NRXN1: variants seen among roughly 807,000 people sequenced by gnomAD.
NRXN1 encodes the protein neurexin-1.
NRXN1 carries 39 observed loss-of-function variants against 150.9 expected under a neutral mutation model. The observed-to-expected ratio is 0.26, with a 90% confidence interval of 0.20 to 0.34. NRXN1 has a LOEUF of 0.34. Among genes scored for constraint, NRXN1 ranks in the 10% least tolerant of loss-of-function variants. The pLI is 1.00. For missense variants in NRXN1, 1,815 were observed against 1,949.9 expected, an observed-to-expected ratio of 0.93 and a Z score of 1.30; for synonymous variants, 924 against 757.0, an observed-to-expected ratio of 1.22 and a Z score of -3.62.
intron 17 of NRXN1, among the ~76,000 whole-genome samples, chr2:50,260,263 C>A (rs2068115600): frequency 6.6e-6 from 1 of 151,846 alleles, no homozygotes. Context: ...CCCTCTACTT[C>A]TGCCTATTGA....
intron 17 of NRXN1, among the ~76,000 whole-genome samples, chr2:50,415,688 G>A (rs534291740): frequency 2.6e-5 from 4 of 152,132 alleles, no homozygotes; most frequent in African/African-American, 9.6e-5. Context: ...AAATGCACAA[G>A]TCTCTCTAAC....
intron 5 of NRXN1, among the ~76,000 whole-genome samples, chr2:50,850,722 A>G (rs1018673966): frequency 4.7e-5 from 7 of 147,948 alleles, no homozygotes; most frequent in African/African-American, 2.4e-5. Flanking sequence ...TAAAAAATCA[A>G]TATCAAAGAT....
At chr2:50,360,499 A>ATC (rs777764469) in intron 17 of NRXN1, among the ~76,000 whole-genome samples, 2 of 152,186 alleles carry the variant, frequency 1.3e-5, no homozygotes, top group Non-Finnish European at 2.9e-5. Flanking sequence ...ACCAACAAAC[A>ATC]TCAGAAAAGA....
intron 18 of NRXN1, among the ~76,000 whole-genome samples, chr2:50,108,768 A>G (rs1701998966): frequency 6.6e-6 from 1 of 152,128 alleles, no homozygotes; most frequent in African/African-American, 2.4e-5. Context: ...ATGAAGTAAA[A>G]CAGTTTTACA....
intron 5 of NRXN1, among the ~76,000 whole-genome samples, chr2:50,626,283 A>G (rs1681030023): frequency 1.3e-5 from 2 of 151,914 alleles, no homozygotes; most frequent in Non-Finnish European, 2.9e-5. Context: ...AAACAGGTAA[A>G]AAGCTGATTC....
At chr2:50,327,059 T>C (rs1477731944) in intron 17 of NRXN1, among the ~76,000 whole-genome samples, 3 of 152,222 alleles carry the variant, frequency 2.0e-5, no homozygotes, top group Admixed American at 6.5e-5. Context: ...TTTTAATATA[T>C]GCTCAATAGA....
At chr2:50,985,665 T>C (rs551713851) in intron 2 of NRXN1, among the ~76,000 whole-genome samples, 1 of 151,690 alleles carries the variant, frequency 6.6e-6, no homozygotes, top group Non-Finnish European at 1.5e-5. Context: ...AATAAAAAGA[T>C]AAACATAAAC....
chr2:50,642,598 A>C (rs537838778), intron 5 of NRXN1, among the ~76,000 whole-genome samples: 1 of 152,206 alleles, frequency 6.6e-6, no homozygotes, highest in Non-Finnish European at 1.5e-5. Flanking sequence ...TTTTATTAGA[A>C]TATCCATCTT....
chr2:50,935,227 T>C (rs1688355490), intron 2 of NRXN1, among the ~76,000 whole-genome samples: 1 of 152,134 alleles, frequency 6.6e-6, no homozygotes, highest in Non-Finnish European at 1.5e-5. Flanking sequence ...TTTTTGAATA[T>C]TACACCATAG....
intron 16 of NRXN1, among the ~76,000 whole-genome samples, 168 bp from the exon 17 acceptor site, chr2:50,465,729 T>A (rs1335547831): frequency 2.0e-5 from 3 of 151,918 alleles, no homozygotes; most frequent in Admixed American, 6.6e-5. Context: ...GGCTGTAATA[T>A]GAAGGTTTTC....
Position 50,961,976 on chromosome 2 carries a change from A to ACC in NRXN1, c.773-36022_773-36021insGG, listed in dbSNP as rs1693269222. Reference sequence around the variant, plus strand: ...TAGGCCTGCTAGTTAAAAAAAAAAGAAGAAGAAAAATTTAAATAAAAAACT... The same window carrying ACC: ...TAGGCCTGCTAGTTAAAAAAAAAAGACCAGAAGAAAAATTTAAATAAAAAACT... On this transcript the variant is annotated intron_variant, in intron 2 of 22. Transcript: ENST00000401669. Among the ~76,000 whole-genome samples, 16 of 140,210 alleles carry ACC rather than the reference A, an allele frequency of 1.1e-4. 1 individual carries two copies. The Admixed American group carries it at 1.2e-3, about 10-fold the overall frequency. 92.0% of individuals were successfully genotyped at this position (140,210 alleles called of 152,430 possible).
intron 12 of NRXN1, among the ~76,000 whole-genome samples, chr2:50,525,810 C>CG (rs1009396487): frequency 4.6e-5 from 7 of 151,978 alleles, no homozygotes; most frequent in South Asian, 2.1e-4. Flanking sequence ...CTTTTCTTCC[C>CG]GGGGGGGAAA....
At chr2:50,605,653 G>A (rs529023906) in intron 8 of NRXN1, among the ~76,000 whole-genome samples, 3 of 152,312 alleles carry the variant, frequency 2.0e-5, no homozygotes, top group African/African-American at 7.2e-5. Context: ...AACTGTTGGA[G>A]AGGATGTGGA....
rs1338523111 is a variant in NRXN1, at chr2:50,327,875, C to A, written c.3365-90905G>T. 2.6e-5 allele frequency among the ~76,000 whole-genome samples: 4 copies of A among 152,236 alleles called. No individual in the cohort carries two copies. In the East Asian group the frequency reaches 7.7e-4, roughly 29 times the overall value. ...AGGTTGGCCAGGCTGGTCGCGAACT[C>A]CTGACCTCAAGTAATCTCCCGCCTT... On this transcript the variant is annotated intron_variant, in intron 17 of 22. Transcript: ENST00000401669.
chr2:50,882,308 C>CT (rs1679562376), intron 5 of NRXN1, among the ~76,000 whole-genome samples: 1 of 151,988 alleles, frequency 6.6e-6, no homozygotes, highest in Non-Finnish European at 1.5e-5. Context: ...GTTTTTCCAA[C>CT]ATTTCCTCTG....
At chr2:50,899,918 C>T (rs745593225) in intron 5 of NRXN1, among the ~76,000 whole-genome samples, 1 of 151,980 alleles carries the variant, frequency 6.6e-6, no homozygotes, top group Non-Finnish European at 1.5e-5. Flanking sequence ...GTTTATTAGA[C>T]GTCATGGGAG....
At chr2:50,262,759 C>T (rs1286319741) in intron 17 of NRXN1, among the ~76,000 whole-genome samples, 2 of 152,080 alleles carry the variant, frequency 1.3e-5, no homozygotes, top group Middle Eastern at 3.4e-3. Flanking sequence ...TGTCATTTTC[C>T]TCCATGCTTC....
At chr2:50,459,526 T>A (rs1397477992) in intron 17 of NRXN1, among the ~76,000 whole-genome samples, 1 of 152,154 alleles carries the variant, frequency 6.6e-6, no homozygotes, top group Non-Finnish European at 1.5e-5. Flanking sequence ...TGAGTTCACG[T>A]AGTTTAGCTC....
chr2:50,647,761 T>C (rs1049486824), intron 5 of NRXN1, among the ~76,000 whole-genome samples: 9 of 151,992 alleles, frequency 5.9e-5, no homozygotes, highest in Middle Eastern at 6.8e-3. Flanking sequence ...TATTACACTA[T>C]TCAAAAACAA....
Sources: gnomAD v4.1 joint callset for allele counts (sites outside exome capture counted in the v4.1 genomes callset) on GRCh38, gnomAD v4.1.1 for gene constraint, MANE v1.5 for transcripts, NCBI Gene and HGNC (gene_info 2026-07-23, HGNC 2026-07-21) for gene names.